The following CRB1 variants were observed in gnomAD, a reference collection of about 807,000 sequenced individuals.
The protein encoded by CRB1 is protein crumbs homolog 1.
Under a neutral mutation model 120.0 loss-of-function variants are expected in CRB1, and 83 were observed. The observed-to-expected ratio is 0.69, with a 90% CI of 0.58 to 0.83. CRB1 has a LOEUF of 0.83. CRB1 is among the 40% of genes least tolerant of loss of function. The probability of loss-of-function intolerance (pLI) is 0.00; values close to 1 mark genes in which losing one functional copy is unlikely to be tolerated. For missense variants in CRB1, 1,699 were observed against 1,687.6 expected (o/e 1.01, Z -0.12); for synonymous variants, 625 against 612.5 (o/e 1.02, Z -0.30).
At chr1:197,353,337 G>A (rs1047722742) in intron 4 of CRB1, among the ~76,000 whole-genome samples, 56 of 152,180 alleles carry the variant, frequency 3.7e-4, no homozygotes, top group African/African-American at 1.3e-3. Flanking sequence ...TGTTAAGGAT[G>A]TTGAATTCCT....
At chr1:197,448,354 T>C (rs995142138) in intron 11 of CRB1, among the ~76,000 whole-genome samples, 8 of 152,208 alleles carry the variant, frequency 5.3e-5, no homozygotes, top group Non-Finnish European at 8.8e-5. Context: ...TTTAGATTTT[T>C]GCTAGGATGC....
chr1:197,374,894 C>T (rs892307081), intron 5 of CRB1, among the ~76,000 whole-genome samples: 2 of 152,076 alleles, frequency 1.3e-5, no homozygotes. Context: ...TTTTTTCCTC[C>T]TCCCACCTAG....
chr1:197,353,775 T>C (rs1295291084), intron 4 of CRB1, among the ~76,000 whole-genome samples: 1 of 139,302 alleles, frequency 7.2e-6, no homozygotes, highest in Non-Finnish European at 1.5e-5. Flanking sequence ...CCCTGCACCC[T>C]GGGCTACAGA....
intron 11 of CRB1, chr1:197,443,676 A>G (rs1052235465): frequency 2.6e-5 from 4 of 151,956 alleles, no homozygotes; most frequent in Admixed American, 2.0e-4. Context: ...CATAACCAAA[A>G]TATATTTGAC....
At chr1:197,398,892 TTGTGTGTGTGTGTG>T (rs140149936) in intron 5 of CRB1, among the ~76,000 whole-genome samples, 76 of 136,394 alleles carry the variant, frequency 5.6e-4, no homozygotes, top group Non-Finnish European at 9.2e-4. Flanking sequence ...CAGGAAATGA[TTGTGTGTGTGTGTG>T]TGTGTGTGTG....
intron 5 of CRB1, among the ~76,000 whole-genome samples, chr1:197,397,210 A>T (rs1662815597): frequency 6.6e-6 from 1 of 152,172 alleles, no homozygotes; most frequent in Non-Finnish European, 1.5e-5. Context: ...CATTGAAACC[A>T]CATGAGATAT....
the CRB1 span, among the ~76,000 whole-genome samples, chr1:197,247,021 T>G: frequency 1.3e-5 from 2 of 152,056 alleles, no homozygotes; most frequent in Non-Finnish European, 2.9e-5. Flanking sequence ...GGAAATATAA[T>G]TATCTATAGC....
intron 5 of CRB1, among the ~76,000 whole-genome samples, chr1:197,396,729 A>T (rs1005785729): frequency 6.6e-6 from 1 of 152,208 alleles, no homozygotes; most frequent in Admixed American, 6.5e-5. Flanking sequence ...AGTCCTCTCA[A>T]CAAACAAAGC....
At chr1:197,268,114 A>G (rs1044400978), upstream of CRB1, 6 of 383,310 alleles carry the variant, frequency 1.6e-5, no homozygotes, top group Non-Finnish European at 2.5e-5. Flanking sequence ...GGCAGCATGA[A>G]CAGAAGAAAA....
chr1:197,279,678 A>C (rs1407099814), intron 1 of CRB1, among the ~76,000 whole-genome samples: 1 of 151,726 alleles, frequency 6.6e-6, no homozygotes, highest in Non-Finnish European at 1.5e-5. Flanking sequence ...CCATAGAACT[A>C]AGGCAAAGTT....
chr1:197,293,136 A>T (rs139045233), intron 1 of CRB1, among the ~76,000 whole-genome samples: 1,576 of 152,288 alleles, frequency 0.01, 7 homozygotes, highest in Non-Finnish European at 0.018. Flanking sequence ...CTGTTTGCAG[A>T]TGATATGATT....
intron 5 of CRB1, among the ~76,000 whole-genome samples, chr1:197,358,401 A>T (rs1258656863): frequency 6.6e-6 from 1 of 152,216 alleles, no homozygotes; most frequent in East Asian, 1.9e-4. Context: ...CTCATCAAAT[A>T]AAAGGAAATG....
At chr1:197,322,306 A>C (rs1393783208) in intron 1 of CRB1, among the ~76,000 whole-genome samples, 2 of 152,028 alleles carry the variant, frequency 1.3e-5, no homozygotes, top group African/African-American at 4.8e-5. Context: ...TACTAAAAAT[A>C]GAAAAAATTA....
chr1:197,363,720 G>C (rs933014589), intron 5 of CRB1: 1 of 496,256 alleles, frequency 2.0e-6, no homozygotes, highest in Admixed American at 2.9e-5. Flanking sequence ...GTGTGTGGTT[G>C]TTGGCATCCT....
intron 1 of CRB1, among the ~76,000 whole-genome samples, chr1:197,269,132 C>T (rs1391170275): frequency 6.6e-6 from 1 of 152,172 alleles, no homozygotes; most frequent in Non-Finnish European, 1.5e-5. Context: ...TCAGAGGAGA[C>T]CAAATTGCCC....
intron 5 of CRB1, among the ~76,000 whole-genome samples, chr1:197,402,742 C>CA (rs573008367): frequency 6.6e-6 from 1 of 152,062 alleles, no homozygotes; most frequent in African/African-American, 2.4e-5. Flanking sequence ...GTACAATAAA[C>CA]AAAAAATTAC....
rs549584069 is a variant in CRB1 at position 197,327,529 on chromosome 1, A to G, written c.71-893A>G. Among the ~76,000 whole-genome samples, 7 of 152,338 alleles carry G rather than the reference A, an allele frequency of 4.6e-5. No homozygotes were observed. In the South Asian group the frequency reaches 1.5e-3, roughly 32 times the overall value. ...TTTAATTATTAGAAAATACATACACACAGATGCATACACACACACACAAGA... is the reference window on the plus strand; with the variant it reads ...TTTAATTATTAGAAAATACATACACGCAGATGCATACACACACACACAAGA... On this transcript the variant is annotated intron_variant, in intron 1 of 11. Transcript: ENST00000367400.
chr1:197,292,603 C>T (rs1331611606), intron 1 of CRB1, among the ~76,000 whole-genome samples: 1 of 151,412 alleles, frequency 6.6e-6, no homozygotes, highest in African/African-American at 2.4e-5. Context: ...ACAGACACAA[C>T]AAAAAAAAGA....
the CRB1 span, among the ~76,000 whole-genome samples, chr1:197,255,996 T>TATATATAC: frequency 0.019 from 2,230 of 116,288 alleles, 54 homozygotes; most frequent in East Asian, 0.085. Flanking sequence ...TATATATATA[T>TATATATAC]ACACTACAAT....
Sources: gnomAD v4.1 joint callset for allele counts (sites outside exome capture counted in the v4.1 genomes callset) on GRCh38, gnomAD v4.1.1 for gene constraint, MANE v1.5 for transcripts, NCBI Gene and HGNC (gene_info 2026-07-23, HGNC 2026-07-21) for gene names.